The following GBE1 variants were observed in gnomAD, a reference collection of about 807,000 sequenced individuals.
The protein encoded by GBE1 is 1,4-alpha-glucan-branching enzyme.
In GBE1, 70 loss-of-function variants were observed where a neutral mutation model predicts 88.8. The observed-to-expected ratio is 0.79, with a 90% CI of 0.65 to 0.96. The LOEUF is 0.96. Ranked by LOEUF, GBE1 falls within the 40% of genes least tolerant of loss-of-function variation. The pLI is 0.00. For synonymous variants in GBE1, 284 were observed against 300.1 expected, an observed-to-expected ratio of 0.95 and a Z score of 0.56; for missense variants, 872 against 871.0, an observed-to-expected ratio of 1.00 and a Z score of -0.01.
At chr3:81,573,753 T>TTC (rs1236091754) in intron 12 of GBE1, among the ~76,000 whole-genome samples, 98 of 137,320 alleles carry the variant, frequency 7.1e-4, no homozygotes, top group East Asian at 4.1e-3. Flanking sequence ...TCAATTTGCC[T>TTC]TCTCTCTCTC....
At chr3:81,556,036 TG>T (rs1478565585) in intron 12 of GBE1, among the ~76,000 whole-genome samples, 1 of 152,140 alleles carries the variant, frequency 6.6e-6, no homozygotes, top group Non-Finnish European at 1.5e-5. Context: ...ACTTTTCAGT[TG>T]TGTGCCTTAC....
chr3:81,494,536 TATCA>T (rs1365364511), intron 15 of GBE1, among the ~76,000 whole-genome samples: 6 of 152,370 alleles, frequency 3.9e-5, no homozygotes, highest in African/African-American at 1.2e-4. Flanking sequence ...AGAAGCCACT[TATCA>T]TTCATGATAA....
Position 81,490,463 on chromosome 3 carries a change from C to T in GBE1, c.2053G>A (p.Val685Met). 3.1e-6 allele frequency: 5 copies of T among 1,612,194 alleles called. No individual in the cohort carries two copies. The highest frequency in any genetic ancestry group is 4.2e-6 in the Non-Finnish European group (5 of 1,178,644). The change falls in exon 16 of 16, where the codon GTG becomes ATG. Residue 685 changes from valine to methionine, a missense_variant and splice_region_variant. Val to Met is a conservative substitution (Grantham distance 21). Transcript: ENST00000429644. ...EHNGRPYSLL[V>M]YIPSRVALIL... ...AGGGCCACTCTGCTTGGAATGTACA[C>T]CTACGTCAAAACAATTATGTCAGTG...
intron 12 of GBE1, among the ~76,000 whole-genome samples, chr3:81,569,626 T>C (rs1703545863): frequency 1.3e-5 from 2 of 152,162 alleles, no homozygotes; most frequent in African/African-American, 4.8e-5. Context: ...TGGCCATCCA[T>C]GTACCCAGTT....
chr3:81,639,586 A>G (rs1704642276), intron 7 of GBE1, among the ~76,000 whole-genome samples: 1 of 152,152 alleles, frequency 6.6e-6, no homozygotes, highest in African/African-American at 2.4e-5. Flanking sequence ...AAGTTTTATT[A>G]GATAAACTAA....
At chr3:81,663,353 C>A (rs756605430) in intron 3 of GBE1, among the ~76,000 whole-genome samples, 25 of 152,208 alleles carry the variant, frequency 1.6e-4, no homozygotes, top group Middle Eastern at 6.8e-3. Context: ...CAGGAGGACG[C>A]GGAGGGGGCA....
At chr3:81,737,068 C>T (rs1706265682) in intron 1 of GBE1, among the ~76,000 whole-genome samples, 1 of 151,242 alleles carries the variant, frequency 6.6e-6, no homozygotes, top group African/African-American at 2.4e-5. Context: ...TTCAATAGGA[C>T]ATAAATGATG....
chr3:81,707,720 TAGA>T (rs1478350859), intron 1 of GBE1, among the ~76,000 whole-genome samples: 1 of 152,090 alleles, frequency 6.6e-6, no homozygotes, highest in East Asian at 1.9e-4. Context: ...TTATTAATCT[TAGA>T]TGAGCATTTA....
chr3:81,612,553 G>C (rs138414105), intron 7 of GBE1: 1 of 772,772 alleles, frequency 1.3e-6, no homozygotes, highest in Non-Finnish European at 2.2e-6. Context: ...CTGGTGGATG[G>C]TTGAGAAATG....
intron 2 of GBE1, among the ~76,000 whole-genome samples, chr3:81,674,599 G>C (rs1705229151): frequency 1.3e-5 from 2 of 151,746 alleles, no homozygotes; most frequent in African/African-American, 4.8e-5. Flanking sequence ...ATATAAGCTG[G>C]TAGACACATT....
At chr3:81,558,158 T>C (rs1420250488) in intron 12 of GBE1, among the ~76,000 whole-genome samples, 1 of 152,056 alleles carries the variant, frequency 6.6e-6, no homozygotes. Flanking sequence ...GTAAAGTATG[T>C]ATTTTAAGTC....
At chr3:81,652,209 A>AGG (rs1427115044) in intron 3 of GBE1, among the ~76,000 whole-genome samples, 1 of 152,256 alleles carries the variant, frequency 6.6e-6, no homozygotes, top group African/African-American at 2.4e-5. Context: ...CATCTGGGTC[A>AGG]TATAGTGTCA....
chr3:81,504,127 C>A (rs1385707535), intron 14 of GBE1, among the ~76,000 whole-genome samples: 1 of 152,078 alleles, frequency 6.6e-6, no homozygotes, highest in Non-Finnish European at 1.5e-5. Context: ...CCCTCGTGTC[C>A]CAAACACCTC....
intron 7 of GBE1, among the ~76,000 whole-genome samples, chr3:81,621,490 C>G (rs1704332892): frequency 2.0e-5 from 3 of 152,150 alleles, no homozygotes; most frequent in Admixed American, 1.3e-4. Context: ...AGGGAAGTCA[C>G]AGCATGCTTT....
intron 1 of GBE1, among the ~76,000 whole-genome samples, chr3:81,760,438 C>A (rs918750208): frequency 5.3e-5 from 8 of 152,140 alleles, no homozygotes; most frequent in African/African-American, 1.9e-4. Context: ...TTCCATCACT[C>A]GAAAAATTGG....
At chr3:81,543,177 A>C (rs917030624) in intron 12 of GBE1, among the ~76,000 whole-genome samples, 3 of 152,102 alleles carry the variant, frequency 2.0e-5, no homozygotes, top group Non-Finnish European at 4.4e-5. Context: ...TTTTATTAGA[A>C]AATCATTTAT....
At chr3:81,653,128 T>C (rs887086463) in intron 3 of GBE1, among the ~76,000 whole-genome samples, 186 of 152,112 alleles carry the variant, frequency 1.2e-3, no homozygotes, top group Non-Finnish European at 1.8e-4. Flanking sequence ...CAGTATAAAA[T>C]TTCTGAATAG....
At chr3:81,731,940 ATCTCT>A (rs1706192138) in intron 1 of GBE1, among the ~76,000 whole-genome samples, 1 of 152,070 alleles carries the variant, frequency 6.6e-6, no homozygotes, top group Admixed American at 6.6e-5. Context: ...TAAGTCTAAA[ATCTCT>A]TCTTAATTCC....
chr3:81,604,967 G>C (rs186418391), intron 7 of GBE1, among the ~76,000 whole-genome samples: 10 of 151,832 alleles, frequency 6.6e-5, no homozygotes, highest in African/African-American at 1.7e-4. Context: ...AACACACATG[G>C]GCATTCATGC....
Sources: gnomAD v4.1 joint callset for allele counts (sites outside exome capture counted in the v4.1 genomes callset) on GRCh38, gnomAD v4.1.1 for gene constraint, MANE v1.5 for transcripts, NCBI Gene and HGNC (gene_info 2026-07-23, HGNC 2026-07-21) for gene names.